The following DISC1 variants were observed in gnomAD, a reference collection of about 807,000 sequenced individuals.
DISC1 encodes the protein disrupted in schizophrenia 1 protein.
DISC1 carries 57 observed loss-of-function variants against 84.5 expected under a neutral mutation model. The ratio of observed to expected loss-of-function variants is 0.67; its 90% confidence interval spans 0.55 to 0.84. The LOEUF (loss-of-function observed/expected upper bound fraction) is 0.84, where lower values mean the gene tolerates loss of function less well. Ranked by LOEUF, DISC1 falls within the 40% of genes least tolerant of loss-of-function variation. The pLI, the probability that DISC1 is intolerant of heterozygous loss-of-function variation, is 0.00. For missense variants in DISC1, 1,000 were observed against 1,057.8 expected, an observed-to-expected ratio of 0.95 and a Z score of 0.76; for synonymous variants, 411 against 415.2, an observed-to-expected ratio of 0.99 and a Z score of 0.12.
chr1:232,025,965 A>T (rs77016139), intron 11 of DISC1, among the ~76,000 whole-genome samples: 5,424 of 152,200 alleles, frequency 0.036, 90 homozygotes, highest in East Asian at 0.06. Context: ...TCTAGCATTC[A>T]GGGACTGTGG....
intron 9 of DISC1, among the ~76,000 whole-genome samples, chr1:231,912,383 T>G (rs1003534651): frequency 2.6e-5 from 4 of 152,254 alleles, no homozygotes; most frequent in Non-Finnish European, 5.9e-5. Flanking sequence ...TTCTGTTTGT[T>G]TGTTTTCCTT....
At chr1:231,934,279 T>C (rs1315067745) in intron 9 of DISC1, among the ~76,000 whole-genome samples, 2 of 152,222 alleles carry the variant, frequency 1.3e-5, no homozygotes, top group Non-Finnish European at 1.5e-5. Flanking sequence ...TCTACTTTGG[T>C]TAGTTAAATA....
chr1:231,853,785 AG>A (rs2084067395), intron 9 of DISC1, among the ~76,000 whole-genome samples: 1 of 152,224 alleles, frequency 6.6e-6, no homozygotes, highest in Non-Finnish European at 1.5e-5. Flanking sequence ...GGGTTGACCC[AG>A]GGCCAAGATA....
chr1:232,019,139 C>T (rs1668729264), intron 11 of DISC1, among the ~76,000 whole-genome samples: 3 of 152,116 alleles, frequency 2.0e-5, no homozygotes, highest in Admixed American at 1.3e-4. Context: ...CAGGCGGTTA[C>T]ACACACAGGG....
intron 9 of DISC1, among the ~76,000 whole-genome samples, chr1:231,824,236 G>A (rs1289241825): frequency 1.3e-5 from 2 of 152,030 alleles, no homozygotes; most frequent in Non-Finnish European, 2.9e-5. Flanking sequence ...TGAGTGTTGC[G>A]GTGCTATGTG....
chr1:231,723,574 G>C, intron 3 of DISC1: 1 of 985,462 alleles, frequency 1.0e-6, no homozygotes, highest in Non-Finnish European at 1.2e-6. Flanking sequence ...CTGATGGCCT[G>C]TCCAGAGCAA....
intron 9 of DISC1, among the ~76,000 whole-genome samples, chr1:231,880,500 A>T (rs2086211090): frequency 6.6e-6 from 1 of 152,138 alleles, no homozygotes; most frequent in Admixed American, 6.6e-5. Flanking sequence ...TTTGCTCTTG[A>T]TTTTATTTCA....
At chr1:231,674,563 C>T (rs1023841356) in intron 1 of DISC1, among the ~76,000 whole-genome samples, 14 of 152,114 alleles carry the variant, frequency 9.2e-5, no homozygotes, top group African/African-American at 3.4e-4. Flanking sequence ...TTCTTTTTGT[C>T]TCATCACCAG....
At chr1:231,862,382 AAAG>A (rs537977079) in intron 9 of DISC1, among the ~76,000 whole-genome samples, 212 of 152,342 alleles carry the variant, frequency 1.4e-3, no homozygotes, top group African/African-American at 4.9e-3. Context: ...TTTGGACTCC[AAAG>A]AAGTATACTC....
At chr1:231,808,173 T>G (rs552687899) in intron 8 of DISC1, among the ~76,000 whole-genome samples, 1 of 152,336 alleles carries the variant, frequency 6.6e-6, no homozygotes, top group East Asian at 1.9e-4. Context: ...ACCAAATTCC[T>G]TCGGTCAGAA....
chr1:231,651,464 C>G (rs560524078), intron 1 of DISC1, among the ~76,000 whole-genome samples: 15 of 152,158 alleles, frequency 9.9e-5, no homozygotes, highest in Non-Finnish European at 1.8e-4. Context: ...GAGGCGTTGT[C>G]CCAGAGAGGT....
intron 9 of DISC1, among the ~76,000 whole-genome samples, chr1:231,946,492 C>G (rs531705086): frequency 6.6e-6 from 1 of 152,234 alleles, no homozygotes; most frequent in South Asian, 2.1e-4. Context: ...ATGACAAACC[C>G]ACAGCCAATA....
chr1:231,701,534 G>A (rs2066421283), intron 2 of DISC1, among the ~76,000 whole-genome samples: 3 of 152,138 alleles, frequency 2.0e-5, no homozygotes, highest in African/African-American at 4.8e-5. Flanking sequence ...AGGACAGCCT[G>A]CTGAGCTTAA....
chr1:231,748,660 T>A (rs1169673409), intron 3 of DISC1, among the ~76,000 whole-genome samples: 1 of 152,242 alleles, frequency 6.6e-6, no homozygotes, highest in Non-Finnish European at 1.5e-5. Context: ...GTTGAGAATT[T>A]TTGTGTCTCT....
chr1:231,852,437 G>A (rs1372025847), intron 9 of DISC1, among the ~76,000 whole-genome samples: 1 of 152,214 alleles, frequency 6.6e-6, no homozygotes, highest in Non-Finnish European at 1.5e-5. Context: ...AGCACAGCAA[G>A]GGTACGAAGG....
At chr1:231,949,756 CTT>C (rs762660484) in intron 9 of DISC1, among the ~76,000 whole-genome samples, 29 of 152,154 alleles carry the variant, frequency 1.9e-4, no homozygotes, top group Non-Finnish European at 3.8e-4. Flanking sequence ...GCTCGTGTGT[CTT>C]TTAACAGTTG....
intron 9 of DISC1, among the ~76,000 whole-genome samples, chr1:231,923,964 G>A (rs953162494): frequency 2.0e-5 from 3 of 152,148 alleles, no homozygotes; most frequent in African/African-American, 7.2e-5. Context: ...GTTGTACAAC[G>A]GAGCATTCAT....
At chr1:231,843,229 C>A (rs2125869615) in intron 9 of DISC1, among the ~76,000 whole-genome samples, 1 of 152,274 alleles carries the variant, frequency 6.6e-6, no homozygotes, top group South Asian at 2.1e-4. Flanking sequence ...GAAGAAAGAA[C>A]AAGCATGAGA....
intron 3 of DISC1, among the ~76,000 whole-genome samples, chr1:231,737,193 T>G (rs2072628565): frequency 1.3e-5 from 2 of 152,260 alleles, no homozygotes; most frequent in African/African-American, 4.8e-5. Flanking sequence ...GTCCTACAAG[T>G]AAAACATGTT....
Sources: gnomAD v4.1 joint callset for allele counts (sites outside exome capture counted in the v4.1 genomes callset) on GRCh38, gnomAD v4.1.1 for gene constraint, MANE v1.5 for transcripts, NCBI Gene and HGNC (gene_info 2026-07-23, HGNC 2026-07-21) for gene names.